FDXACB1: variants seen among roughly 807,000 people sequenced by gnomAD.
FDXACB1 encodes ferredoxin-fold anticodon binding domain containing 1.
Under a neutral mutation model 51.7 loss-of-function variants are expected in FDXACB1, and 41 were observed. The ratio of observed to expected loss-of-function variants is 0.79; its 90% confidence interval spans 0.62 to 1.03. FDXACB1 has a LOEUF of 1.03. Among genes scored for constraint, FDXACB1 ranks in the 50% least tolerant of loss-of-function variants. The pLI, the probability that FDXACB1 is intolerant of heterozygous loss-of-function variation, is 0.00. For missense variants in FDXACB1, 697 were observed against 746.4 expected (o/e 0.93, Z 0.77); for synonymous variants, 273 against 278.6 (o/e 0.98, Z 0.20).
At chr11:111,878,915 C>T in intron 1 of FDXACB1, 46 bp downstream of exon 1, 2 of 1,559,252 alleles carry the variant, frequency 1.3e-6, no homozygotes, top group Admixed American at 2.0e-5. Context: ...CACTTTGGGA[C>T]GCGCCGGCCG....
chr11:111,875,415 C>G lies in FDXACB1; in HGVS notation c.1382G>C (p.Cys461Ser), dbSNP rs782690822. 2.5e-6 allele frequency: 4 copies of G among 1,613,482 alleles called. No individual in the cohort carries two copies. In the African/African-American group the frequency reaches 5.3e-5, roughly 22 times the overall value. ...AGACCCAATAATTAGATCCTCAGTACAATCTGGGCTAAAATTATGAGTCTT... is the reference window on the plus strand; with the variant it reads ...AGACCCAATAATTAGATCCTCAGTAGAATCTGGGCTAAAATTATGAGTCTT... Reference protein sequence around the residue: ...RVKTHNFSPDCTEDLIIGSVI... With the variant: ...RVKTHNFSPDSTEDLIIGSVI... The change falls in exon 5 of 5, where the codon TGT becomes TCT. Residue 461 changes from cysteine (C) to serine (S), a missense_variant. By Grantham distance (112) the Cys-to-Ser change is moderately radical (BLOSUM62 -1). Coordinates refer to ENST00000260257, the MANE Select transcript of FDXACB1 (RefSeq NM_138378.3).
Position 111,874,827 on chromosome 11 carries a change from A to C in FDXACB1, c.*95T>G, listed in dbSNP as rs990003272. ...TCACAAAGTAAAAGATTTTACAAAA[A>C]CAAAAATCCAGAAAGGACTACTGGT... On this transcript the variant is annotated 3_prime_UTR_variant, in exon 5 of 5. Transcript: ENST00000260257. 3.5e-5 allele frequency: 40 copies of C among 1,137,640 alleles called. No homozygotes were observed. Among genetic ancestry groups the C allele is most frequent in the Non-Finnish European group, 4.9e-5 (40 of 815,686 alleles). The allele number at this position is 1,137,640 out of a possible 1,614,324, so 70.5% of individuals were successfully genotyped here.
rs782085797 is a variant in FDXACB1, at chr11:111,879,110, A to C, written c.23T>G (p.Leu8Trp). The C allele has an allele frequency of 1.9e-6, 3 of 1,611,736 alleles. No individual in the cohort carries two copies. The Admixed American group carries it at 5.0e-5, about 27-fold the overall frequency. Reference protein sequence around the residue: MAPRRLLLVGEGNFSFAA... With the variant: MAPRRLLWVGEGNFSFAA... ...GAAGGAGAAATTCCCCTCCCCAACCAACAGGAGGCGCCGAGGGGCCATGGC... is the reference window on the plus strand; with the variant it reads ...GAAGGAGAAATTCCCCTCCCCAACCCACAGGAGGCGCCGAGGGGCCATGGC... Residue 8 changes from leucine (L) to tryptophan (W), a missense_variant, in exon 1 of 5, where the codon TTG becomes TGG. By Grantham distance (61) the Leu-to-Trp change is moderately conservative. Transcript: ENST00000260257.
rs1353121486 is a variant in FDXACB1 at position 111,875,553 on chromosome 11, A to G, written c.1244T>C (p.Leu415Pro). The change falls in exon 5 of 5, where the codon CTG (leucine) becomes CCG (proline). Residue 415 changes from leucine (L) to proline (P), a missense_variant. Leu to Pro is a moderately conservative substitution (Grantham distance 98). This residue lies in a region of FDXACB1 where 538 missense variants were observed against 592.2 expected (regional missense o/e 0.91). Transcript: ENST00000260257. ...CAGCAGGCTATCTAGAATGCCCTTCAGATGATCCAGCAGTGATTGAAGACA... is the reference window on the plus strand; with the variant it reads ...CAGCAGGCTATCTAGAATGCCCTTCGGATGATCCAGCAGTGATTGAAGACA... ...DGCLQSLLDH[L>P]KGILDSLLTQ... is the part of the protein sequence containing the mutation. 4 of 1,611,496 alleles carry G rather than the reference A, an allele frequency of 2.5e-6. No individual in the cohort carries two copies. Among genetic ancestry groups the G allele is most frequent in the African/African-American group, 1.4e-5 (1 of 74,066 alleles).
Position 111,875,476 on chromosome 11 carries a change from G to C in FDXACB1, c.1321C>G (p.Leu441Val), listed in dbSNP as rs782126011. 6.2e-7 allele frequency: 1 copy of C among 1,612,288 alleles called. No individual in the cohort carries two copies. Among genetic ancestry groups the C allele is most frequent in the Admixed American group, 1.7e-5 (1 of 59,690 alleles). The change falls in exon 5 of 5, where the codon CTT (leucine) becomes GTT (valine). Residue 441 changes from leucine to valine, a missense_variant. By Grantham distance (32) the Leu-to-Val change is conservative. This residue lies in a region of FDXACB1 where 538 missense variants were observed against 592.2 expected (regional missense o/e 0.91). Coordinates refer to ENST00000260257, the MANE Select transcript of FDXACB1 (RefSeq NM_138378.3). ...SKLSSLVKFV[L>V]QSNGKDYMIR... ...ATATAATCCTTTCCATTTGACTGAA[G>C]GACAAATTTGACTAAACTGCTCAGC...
In FDXACB1 at chr11:111,876,105, C is replaced by G. The variant is rs1240835790; in HGVS notation, c.693-1G>C. On this transcript the variant is annotated splice_acceptor_variant, in intron 4 of 4. Transcript: ENST00000260257. LOFTEE classifies it high-confidence loss of function. The stretch of plus-strand genomic sequence containing the variant: ...ACATGAAGGTGCTTCCAGGAAACCC[C>G]TGTTTAAACACACACAAAAATAACT... The G allele has an allele frequency of 2.5e-5, 40 of 1,588,610 alleles. No individual in the cohort carries two copies. Among genetic ancestry groups the G allele is most frequent in the Non-Finnish European group, 3.3e-5 (39 of 1,168,164 alleles).
intron 2 of FDXACB1, among the ~76,000 whole-genome samples, chr11:111,877,392 C>T (rs1300918820): frequency 1.3e-5 from 2 of 152,174 alleles, no homozygotes; most frequent in African/African-American, 4.8e-5. Context: ...AATACCACCT[C>T]TGTCAAAACT....
In FDXACB1 at chr11:111,875,106, T is replaced by C. The variant is rs1964781582; in HGVS notation, c.1691A>G (p.Gln564Arg). 6.2e-7 allele frequency: 1 copy of C among 1,613,934 alleles called. No homozygotes were observed. The highest frequency in any genetic ancestry group is 1.3e-5 in the African/African-American group (1 of 75,054). ...EFHTVARAVS[Q>R]DTIISIQFLS... Reference sequence around the variant, plus strand: ...AAACTGTATGGATATAATAGTGTCCTGAGACACTGCTCGGGCCACAGTGTG... The same window carrying C: ...AAACTGTATGGATATAATAGTGTCCCGAGACACTGCTCGGGCCACAGTGTG... The change falls in exon 5 of 5, where the codon CAG becomes CGG. Residue 564 changes from glutamine to arginine, a missense_variant. Coordinates refer to ENST00000260257, the MANE Select transcript of FDXACB1 (RefSeq NM_138378.3).
intron 4 of FDXACB1, 74 bp downstream of exon 4, chr11:111,876,407 A>C: frequency 6.6e-7 from 1 of 1,508,476 alleles, no homozygotes; most frequent in East Asian, 2.3e-5. Flanking sequence ...CCATCCATTC[A>C]ATATATGGTT....
intron 2 of FDXACB1, 121 bp downstream of exon 2, chr11:111,878,435 G>A (rs1427293385): frequency 2.7e-6 from 3 of 1,110,264 alleles, no homozygotes; most frequent in Non-Finnish European, 3.7e-6. Flanking sequence ...GGTTCCTTTG[G>A]GGCTTTATAG....
rs1277989716 is a variant in FDXACB1 at position 111,874,323 on chromosome 11, A to G, written c.*599T>C. 2 of 152,380 alleles carry G rather than the reference A, an allele frequency of 1.3e-5. No homozygotes were observed. The highest frequency in any genetic ancestry group is 4.8e-5 in the African/African-American group (2 of 41,460). The allele number at this position is 152,380 out of a possible 1,614,324, so 9.4% of individuals were successfully genotyped here. ...TCTACTGCCTGTTCAACAATAGAGC[A>G]TCTAAAGTACAAGATGCTGTTTTGT... On this transcript the variant is annotated 3_prime_UTR_variant, in exon 5 of 5. Transcript: ENST00000260257.
At chr11:111,876,362 TA>T in intron 4 of FDXACB1, 118 bp downstream of exon 4, 1 of 1,265,544 alleles carries the variant, frequency 7.9e-7, no homozygotes. Context: ...GGCTGACAAA[TA>T]AACATAGCAC....
At chr11:111,877,819 G>A (rs1555162415) in intron 2 of FDXACB1, among the ~76,000 whole-genome samples, 1 of 151,396 alleles carries the variant, frequency 6.6e-6, no homozygotes, top group African/African-American at 2.4e-5. Context: ...GCCTGGCCCA[G>A]TTAGTTACTA....
chr11:111,874,943 G>A lies in FDXACB1; in HGVS notation c.1854C>T (p.His618=). The part of the protein sequence containing the change: ...QSQFRKEIQQ[H]LYVIPR The stretch of plus-strand genomic sequence containing the variant: ...CAAACTACCGAGGTATAACATATAG[G>A]TGTTGTTGAATCTCCTTCCTAAACT... Residue 618 remains histidine, a synonymous_variant, in exon 5 of 5, where the codon CAC becomes CAT. Transcript: ENST00000260257. 1 of 1,613,930 alleles carries A rather than the reference G, an allele frequency of 6.2e-7. No homozygotes were observed. The highest frequency in any genetic ancestry group is 8.5e-7 in the Non-Finnish European group (1 of 1,179,860).
Position 111,876,599 on chromosome 11 carries a change from G to A in FDXACB1, c.574C>T (p.His192Tyr), listed in dbSNP as rs782689448. Residue 192 changes from histidine to tyrosine, a missense_variant, in exon 4 of 5, where the codon CAT becomes TAT. Around this residue, in one of 3 missense-constraint regions of FDXACB1, gnomAD observed 538 missense variants for 592.2 expected, o/e 0.91. Transcript: ENST00000260257. ...KSFHVEGALNHIFTRSLPFEG... is the reference protein window; with the variant it reads ...KSFHVEGALNYIFTRSLPFEG... The stretch of plus-strand genomic sequence containing the variant: ...AAAGGTAAGCTCCTGGTGAAGATAT[G>A]GTTCAAAGCACCTTCTACATGAAAG... The A allele has an allele frequency of 6.2e-7, 1 of 1,613,934 alleles. No homozygotes were observed. Among genetic ancestry groups the A allele is most frequent in the Admixed American group, 1.7e-5 (1 of 60,006 alleles).
intron 2 of FDXACB1, 135 bp from the exon 3 acceptor site, chr11:111,877,146 C>T (rs1964833483): frequency 4.6e-6 from 4 of 861,544 alleles, no homozygotes; most frequent in Admixed American, 3.0e-5. Flanking sequence ...ATCTATTAGA[C>T]CTCAAAAAAT....
In FDXACB1 at chr11:111,879,046, T is replaced by C. The variant is rs782690801; in HGVS notation, c.87A>G (p.Gln29=). Residue 29 remains glutamine, a synonymous_variant, in exon 1 of 5, where the codon CAA becomes CAG. Transcript: ENST00000260257. ...GGCGCTGGAGGCAGGTGGCGGTAAG[T>C]TGAGTGCTCTGATCCAGGGTTTCGC... The part of the protein sequence containing the change: ...ALSETLDQST[Q]LTATCLQRPA... 20 of 1,613,546 alleles carry C rather than the reference T, an allele frequency of 1.2e-5. No individual in the cohort carries two copies. Among genetic ancestry groups the C allele is most frequent in the Non-Finnish European group, 1.5e-5 (18 of 1,179,832 alleles).
At position 111,874,815 on chromosome 11, in the gene FDXACB1, G is replaced by A; in HGVS notation, c.*107C>T. ...CAGTAGCTATGGTCACAAAGTAAAA[G>A]ATTTTACAAAAACAAAAATCCAGAA... On this transcript the variant is annotated 3_prime_UTR_variant, in exon 5 of 5. Transcript: ENST00000260257. The A allele has an allele frequency of 6.9e-6, 5 of 724,934 alleles. No individual in the cohort carries two copies. Among genetic ancestry groups the A allele is most frequent in the Non-Finnish European group, 6.4e-6 (3 of 465,158 alleles). The allele number at this position is 724,934 out of a possible 1,614,324, so 44.9% of individuals were successfully genotyped here. A position where few individuals can be genotyped will look rare whatever the true frequency, so the allele number is the denominator to read the frequency against.
rs1228382030 is a variant in FDXACB1 at position 111,879,032 on chromosome 11, C to T, written c.101G>A (p.Cys34Tyr). 1 of 1,613,612 alleles carries T rather than the reference C, an allele frequency of 6.2e-7. No individual in the cohort carries two copies. The highest frequency in any genetic ancestry group is 1.3e-5 in the African/African-American group (1 of 75,048). ...AGCCAACTCGGCCGGGCGCTGGAGG[C>T]AGGTGGCGGTAAGTTGAGTGCTCTG... Reference protein sequence around the residue: ...LDQSTQLTATCLQRPAELARD... With the variant: ...LDQSTQLTATYLQRPAELARD... The change falls in exon 1 of 5, where the codon TGC (cysteine) becomes TAC (tyrosine). Residue 34 changes from cysteine (C) to tyrosine (Y), a missense_variant. Transcript: ENST00000260257.
Sources: allele counts gnomAD v4.1 joint callset (sites outside exome capture counted in the v4.1 genomes callset), GRCh38; gene constraint gnomAD v4.1.1; regional missense constraint gnomAD v4.1.1; transcripts MANE v1.5; gene names NCBI Gene and HGNC (gene_info 2026-07-23, HGNC 2026-07-21).